The following MGAM variants were observed in gnomAD, a reference collection of about 807,000 sequenced individuals.
The protein encoded by MGAM is alpha-1,4-glucosidase.
MGAM carries 253 observed loss-of-function variants against 358.8 expected under a neutral mutation model. The ratio of observed to expected loss-of-function variants is 0.71; its 90% CI spans 0.64 to 0.78. The LOEUF (loss-of-function observed/expected upper bound fraction) is 0.78. Among genes scored for constraint, MGAM ranks in the 30% least tolerant of loss-of-function variants. MGAM has a pLI of 0.00. For missense variants in MGAM, 3,080 were observed against 3,432.6 expected (o/e 0.90, Z 2.57); for synonymous variants, 1,105 against 1,227.1 (o/e 0.90, Z 2.08).
At chr7:142,010,408 G>A (rs58449194) in intron 3 of MGAM, among the ~76,000 whole-genome samples, 2 of 152,100 alleles carry the variant, frequency 1.3e-5, no homozygotes, top group East Asian at 3.9e-4. Context: ...GTTCTATTAA[G>A]CTTCTAGTTC....
At chr7:142,060,148 T>C (rs1455661591) in intron 33 of MGAM, among the ~76,000 whole-genome samples, 163 bp from the exon 34 acceptor site, 1 of 152,266 alleles carries the variant, frequency 6.6e-6, no homozygotes, top group African/African-American at 2.4e-5. Flanking sequence ...ACTTTTAAGG[T>C]AATGTAACGT....
At chr7:142,058,637 C>T (rs927291134) in intron 31 of MGAM, among the ~76,000 whole-genome samples, 4 of 152,184 alleles carry the variant, frequency 2.6e-5, no homozygotes, top group African/African-American at 9.7e-5. Flanking sequence ...CAAAAAAGTC[C>T]TTGGTTTCAT....
intron 21 of MGAM, among the ~76,000 whole-genome samples, chr7:142,043,884 A>T (rs1279688727): frequency 8.4e-6 from 1 of 118,802 alleles, no homozygotes; most frequent in Non-Finnish European, 1.7e-5. Context: ...CATACGACGT[A>T]TAATATATAC....
intron 31 of MGAM, among the ~76,000 whole-genome samples, chr7:142,059,158 C>T (rs2129038143): frequency 6.6e-6 from 1 of 152,176 alleles, no homozygotes; most frequent in East Asian, 1.9e-4. Context: ...AGGTCATCAC[C>T]ATCACTCCTG....
At chr7:142,085,116 A>G (rs1814636683) in intron 54 of MGAM, among the ~76,000 whole-genome samples, 2 of 146,700 alleles carry the variant, frequency 1.4e-5, no homozygotes, top group African/African-American at 4.9e-5. Flanking sequence ...TCACTGATGG[A>G]ATACACGGAT....
Position 142,021,687 on chromosome 7 carries a change from CA to C in MGAM, c.661del (p.Arg221AspfsTer8). The C allele has an allele frequency of 1.2e-6, 2 of 1,613,950 alleles. No individual in the cohort carries two copies. Among genetic ancestry groups the C allele is most frequent in the Non-Finnish European group, 1.7e-6 (2 of 1,179,836 alleles). On this transcript the variant is annotated frameshift_variant, in exon 6 of 71. Transcript: ENST00000475668. LOFTEE classifies it high-confidence loss of function. The part of the protein sequence containing the change: ...ASLTYQVEIS[R>X]QPFSIKVTRR... ...CTTTGACCTACCAAGTTGAAATCTC[CA>C]GACAGCCATTTAGCATCAAAGTGAC... is the stretch of plus-strand genomic sequence containing the variant.
rs1463901407 is a variant in MGAM at position 142,045,144 on chromosome 7, A to G, written c.2499-2641A>G. On this transcript the variant is annotated intron_variant, in intron 21 of 70. Transcript: ENST00000475668. ...ATGATATATAATATGTATATTATAT[A>G]TCATATATGTGATATATAATATATA... 1.4e-4 allele frequency among the ~76,000 whole-genome samples: 11 copies of G among 80,446 alleles called. 1 individual carries two copies. Among genetic ancestry groups the G allele is most frequent in the Non-Finnish European group, 7.6e-5 (3 of 39,334 alleles). 52.8% of individuals were successfully genotyped at this position (80,446 alleles called of 152,430 possible). A position where few individuals can be genotyped will look rare whatever the true frequency, so the allele number is the denominator to read the frequency against.
chr7:142,055,093 G>T (rs551672196), intron 27 of MGAM, among the ~76,000 whole-genome samples, 185 bp downstream of exon 27: 1 of 152,094 alleles, frequency 6.6e-6, no homozygotes, highest in Non-Finnish European at 1.5e-5. Context: ...AATACTGAAG[G>T]AGTTGAATGT....
rs373607967 is a variant in MGAM, at chr7:142,095,593, C to T, written c.7487C>T (p.Ala2496Val). The T allele has an allele frequency of 1.9e-6, 3 of 1,613,642 alleles. No homozygotes were observed. The highest frequency in any genetic ancestry group is 2.5e-6 in the Non-Finnish European group (3 of 1,179,750). Reference sequence around the variant, plus strand: ...CAAGACCCTGTGTCCTGGGATGTTGCTTTTGTGAATATTTCCAGAACTGTC... The same window carrying T: ...CAAGACCCTGTGTCCTGGGATGTTGTTTTTGTGAATATTTCCAGAACTGTC... Reference protein sequence around the residue: ...RRQDPVSWDVAFVNISRTVLQ... With the variant: ...RRQDPVSWDVVFVNISRTVLQ... The change falls in exon 64 of 71, where the codon GCT becomes GTT. Residue 2496 changes from alanine (A) to valine (V), a missense_variant. By Grantham distance (64) the Ala-to-Val change is moderately conservative. Around this residue, in one of 5 missense-constraint regions of MGAM, gnomAD observed 932 missense variants for 1,198.2 expected, o/e 0.78. Transcript: ENST00000475668.
At chr7:142,072,705 T>A (rs1356098907) in intron 44 of MGAM, among the ~76,000 whole-genome samples, 4 of 146,288 alleles carry the variant, frequency 2.7e-5, no homozygotes, top group African/African-American at 9.7e-5. Context: ...GTCTCCTTCC[T>A]CCAGAGATGA....
chr7:142,078,375 A>T lies in MGAM; in HGVS notation c.5551A>T (p.Ser1851Cys), dbSNP rs1359742873. 6.6e-7 allele frequency: 1 copy of T among 1,520,174 alleles called. No homozygotes were observed. The highest frequency in any genetic ancestry group is 1.3e-5 in the African/African-American group (1 of 74,076). 94.2% of individuals were successfully genotyped at this position (1,520,174 alleles called of 1,614,324 possible). A position where few individuals can be genotyped will look rare whatever the true frequency, so the allele number is the denominator to read the frequency against. Residue 1851 changes from serine (S) to cysteine (C), a missense_variant, in exon 48 of 71, where the codon AGC (serine) becomes TGC (cysteine). Around this residue, in one of 5 missense-constraint regions of MGAM, gnomAD observed 932 missense variants for 1,198.2 expected, o/e 0.78. Coordinates refer to ENST00000475668, the MANE Select transcript of MGAM (RefSeq NM_001365693.1). ...GGGAGAAGCATACACAGTGGAGTGG[A>T]GCATAAAGATAAGGGATGAAGAAAA... ...FLGEAYTVEW[S>C]IKIRDEEKID...
chr7:142,096,058 A>G (rs1220016670), intron 64 of MGAM: 3 of 597,502 alleles, frequency 5.0e-6, no homozygotes. Context: ...GAAAAGGGCC[A>G]TCCTTGCATT....
rs1427779555 is a variant in MGAM at position 142,076,513 on chromosome 7, C to T, written c.5326-146C>T. ...AGAGGATTATCAAACTAATGTTGTA[C>T]TTCTTGAGCAGACACTAGTAGAGAA... On this transcript the variant is annotated intron_variant, in intron 46 of 70. Coordinates refer to ENST00000475668, the MANE Select transcript of MGAM (RefSeq NM_001365693.1). 8 of 895,196 alleles carry T rather than the reference C, an allele frequency of 8.9e-6. 1 individual carries two copies. Among genetic ancestry groups the T allele is most frequent in the Non-Finnish European group, 1.4e-5 (8 of 555,506 alleles). 55.5% of individuals were successfully genotyped at this position (895,196 alleles called of 1,614,324 possible).
In MGAM at chr7:142,023,468, T is replaced by C. The variant is rs1442957233; in HGVS notation, c.882+1029T>C. On this transcript the variant is annotated intron_variant, in intron 7 of 70. Coordinates refer to ENST00000475668, the MANE Select transcript of MGAM (RefSeq NM_001365693.1). ...ATATACACACACACACACATACATGTTTGTGTATATATATCTATTTAGCCA... is the reference window on the plus strand; with the variant it reads ...ATATACACACACACACACATACATGCTTGTGTATATATATCTATTTAGCCA... Among the ~76,000 whole-genome samples, 6 of 152,018 alleles carry C rather than the reference T, an allele frequency of 3.9e-5. No individual in the cohort carries two copies. The East Asian group carries it at 1.2e-3, about 29-fold the overall frequency.
chr7:142,037,049 G>C, intron 18 of MGAM, 72 bp downstream of exon 18: 2 of 1,460,736 alleles, frequency 1.4e-6, no homozygotes, highest in Non-Finnish European at 1.9e-6. Flanking sequence ...TCAAATATCA[G>C]AGTGAAAACT....
At chr7:142,064,301 A>G (rs1812510720) in intron 36 of MGAM, 83 bp from the exon 37 acceptor site, 1 of 1,542,296 alleles carries the variant, frequency 6.5e-7, no homozygotes, top group South Asian at 1.2e-5. Context: ...TAGTCTTAAG[A>G]TCCAGGGCCC....
At chr7:142,049,656 TCC>T (rs1478857349) in intron 22 of MGAM, among the ~76,000 whole-genome samples, 3 of 152,158 alleles carry the variant, frequency 2.0e-5, no homozygotes, top group Non-Finnish European at 4.4e-5. Flanking sequence ...CAGATGTTTT[TCC>T]AAGGAAGACA....
At chr7:142,033,002 T>A in intron 14 of MGAM, 93 bp downstream of exon 14, 1 of 768,110 alleles carries the variant, frequency 1.3e-6, no homozygotes. Flanking sequence ...CAAGGGAATT[T>A]GTTCATAATT....
At chr7:142,101,521 C>T (rs1039805138) in intron 68 of MGAM, among the ~76,000 whole-genome samples, 9 of 151,646 alleles carry the variant, frequency 5.9e-5, no homozygotes, top group Non-Finnish European at 1.2e-4. Context: ...TAAATTTAAA[C>T]GTGTTACATT....
Sources: allele counts gnomAD v4.1 joint callset (sites outside exome capture counted in the v4.1 genomes callset), GRCh38; gene constraint gnomAD v4.1.1; regional missense constraint gnomAD v4.1.1; transcripts MANE v1.5; gene names NCBI Gene and HGNC (gene_info 2026-07-23, HGNC 2026-07-21).